The following GSTCD variants were observed in gnomAD, a reference collection of about 807,000 sequenced individuals.
GSTCD encodes the protein glutathione S-transferase C-terminal domain-containing protein.
In GSTCD, 44 loss-of-function variants were observed where a neutral mutation model predicts 68.3. That is an observed-to-expected ratio of 0.64 (90% confidence interval 0.51 to 0.83). The LOEUF is 0.83. GSTCD is among the 40% of genes least tolerant of loss of function. The probability of loss-of-function intolerance (pLI) is 0.00; values close to 1 mark genes in which losing one functional copy is unlikely to be tolerated. For missense variants in GSTCD, 739 were observed against 735.9 expected (o/e 1.00, Z -0.05); for synonymous variants, 273 against 255.2 (o/e 1.07, Z -0.67).
chr4:105,751,564 T>C (rs1440141877), intron 5 of GSTCD, among the ~76,000 whole-genome samples: 3 of 152,160 alleles, frequency 2.0e-5, no homozygotes, highest in African/African-American at 7.2e-5. Flanking sequence ...GAAAGTCAAA[T>C]TGATGTAGCA....
At chr4:105,793,379 A>G (rs982142902) in intron 5 of GSTCD, among the ~76,000 whole-genome samples, 2 of 151,412 alleles carry the variant, frequency 1.3e-5, no homozygotes, top group African/African-American at 4.9e-5. Flanking sequence ...AATTATTGCT[A>G]ATTTTTTGGG....
chr4:105,771,791 A>G (rs1296773486), intron 5 of GSTCD, among the ~76,000 whole-genome samples: 6 of 152,164 alleles, frequency 3.9e-5, no homozygotes, highest in Admixed American at 3.3e-4. Context: ...TATAGTCTGA[A>G]GTCAGGTAGC....
In GSTCD at chr4:105,719,546, T is replaced by C; in HGVS notation, c.894+19T>C. The C allele has an allele frequency of 6.5e-7, 1 of 1,547,402 alleles. No individual in the cohort carries two copies. Among genetic ancestry groups the C allele is most frequent in the Non-Finnish European group, 8.9e-7 (1 of 1,121,436 alleles). ...TTTCTTGGTAAGGTTTCATCTGGAC[T>C]GTACACATTACTATGAGTTTCAGTC... On this transcript the variant is annotated intron_variant, in intron 3 of 11. Transcript: ENST00000515279.
At chr4:105,766,502 AC>A (rs2149239576) in intron 5 of GSTCD, among the ~76,000 whole-genome samples, 1 of 152,312 alleles carries the variant, frequency 6.6e-6, no homozygotes, top group East Asian at 1.9e-4. Flanking sequence ...TGGATCTAAG[AC>A]CAACTAATCT....
chr4:105,837,276 C>T (rs569150211), intron 9 of GSTCD, among the ~76,000 whole-genome samples: 19 of 152,284 alleles, frequency 1.2e-4, no homozygotes, highest in Admixed American at 1.2e-3. Context: ...TTATTACTTC[C>T]AGGCCACTAT....
At chr4:105,832,239 A>T (rs184808029) in intron 8 of GSTCD, among the ~76,000 whole-genome samples, 149 of 152,166 alleles carry the variant, frequency 9.8e-4, no homozygotes, top group Non-Finnish European at 1.8e-3. Context: ...TTGTATGATA[A>T]ATTTCCATAT....
At chr4:105,781,248 T>C (rs1230559389) in intron 5 of GSTCD, among the ~76,000 whole-genome samples, 1 of 152,142 alleles carries the variant, frequency 6.6e-6, no homozygotes, top group African/African-American at 2.4e-5. Flanking sequence ...AATTTAATTT[T>C]CCTTTTCTTT....
At chr4:105,800,532 A>G (rs776574442) in intron 5 of GSTCD, among the ~76,000 whole-genome samples, 9 of 152,196 alleles carry the variant, frequency 5.9e-5, no homozygotes, top group Admixed American at 1.3e-4. Flanking sequence ...AAGTCTGAAC[A>G]TGAAGAAAAA....
chr4:105,790,474 TA>T (rs1007563254), intron 5 of GSTCD, among the ~76,000 whole-genome samples: 1 of 151,992 alleles, frequency 6.6e-6, no homozygotes, highest in Non-Finnish European at 1.5e-5. Flanking sequence ...TTTTTGTCTG[TA>T]AAAAAATTTT....
At chr4:105,761,858 T>C (rs892783151) in intron 5 of GSTCD, 3 of 152,258 alleles carry the variant, frequency 2.0e-5, no homozygotes, top group African/African-American at 7.2e-5. Flanking sequence ...TCATCCTCAA[T>C]AAAATCTGCT....
chr4:105,752,307 T>G (rs563923072), intron 5 of GSTCD, among the ~76,000 whole-genome samples: 5 of 152,138 alleles, frequency 3.3e-5, no homozygotes, highest in Non-Finnish European at 5.9e-5. Flanking sequence ...TTCTCATTAT[T>G]ATGTTATGCT....
intron 8 of GSTCD, among the ~76,000 whole-genome samples, chr4:105,832,439 A>G (rs987104375): frequency 6.6e-6 from 1 of 152,258 alleles, no homozygotes; most frequent in African/African-American, 2.4e-5. Context: ...TTTCATTTAA[A>G]TGAAGGAAAT....
chr4:105,781,466 A>G (rs888938396), intron 5 of GSTCD, among the ~76,000 whole-genome samples: 4 of 150,372 alleles, frequency 2.7e-5, no homozygotes, highest in African/African-American at 9.8e-5. Context: ...TTTATTGCCC[A>G]GGCTGGTCTC....
At chr4:105,764,518 GTGCCAGCAGGGA>G (rs1406840795) in intron 5 of GSTCD, among the ~76,000 whole-genome samples, 1 of 151,744 alleles carries the variant, frequency 6.6e-6, no homozygotes, top group Non-Finnish European at 1.5e-5. Context: ...CATGATCAGG[GTGCCAGCAGGGA>G]TGCTTTCTGG....
chr4:105,709,807 A>G (rs1732457887), intron 1 of GSTCD, among the ~76,000 whole-genome samples: 2 of 152,230 alleles, frequency 1.3e-5, no homozygotes, highest in South Asian at 4.1e-4. Flanking sequence ...GCTTATCTGT[A>G]AAAACAATGT....
intron 9 of GSTCD, among the ~76,000 whole-genome samples, chr4:105,836,124 A>G (rs1724108347): frequency 1.3e-5 from 2 of 150,564 alleles, no homozygotes; most frequent in Non-Finnish European, 3.0e-5. Flanking sequence ...CTCAGCTCTC[A>G]GGTGGAAGGA....
chr4:105,726,227 A>C (rs1210584382), intron 3 of GSTCD, among the ~76,000 whole-genome samples: 2 of 152,178 alleles, frequency 1.3e-5, no homozygotes, highest in Non-Finnish European at 2.9e-5. Context: ...CAATGTAACT[A>C]TATGGATTAA....
Position 105,786,335 on chromosome 4 carries a change from AC to A in GSTCD, c.1241-36616del, listed in dbSNP as rs200613682. On this transcript the variant is annotated intron_variant, in intron 5 of 11. Coordinates refer to ENST00000515279, the MANE Select transcript of GSTCD (RefSeq NM_001370181.1). ...AGACAACCTTGGTCAACATGGAGAA[AC>A]CCTGTCTCTACTAAAAGTACAAAAA... Among the ~76,000 whole-genome samples, 1,326 of 152,098 alleles carry A rather than the reference AC, an allele frequency of 8.7e-3. 12 individuals carry two copies. The highest frequency in any genetic ancestry group is 0.014 in the Non-Finnish European group (949 of 67,996).
chr4:105,737,531 G>A (rs1401119434), intron 5 of GSTCD, among the ~76,000 whole-genome samples: 2 of 151,992 alleles, frequency 1.3e-5, no homozygotes, highest in South Asian at 2.1e-4. Context: ...TGCTTTTTAC[G>A]GTCTTATTCA....
Sources: allele counts gnomAD v4.1 joint callset (sites outside exome capture counted in the v4.1 genomes callset), GRCh38; gene constraint gnomAD v4.1.1; transcripts MANE v1.5; gene names NCBI Gene and HGNC (gene_info 2026-07-23, HGNC 2026-07-21).